RND3: variants seen among roughly 807,000 people sequenced by gnomAD.
The protein encoded by RND3 is Rho family GTPase 3.
RND3 carries 8 observed loss-of-function variants against 26.5 expected under a neutral mutation model. That is an observed-to-expected ratio of 0.30 (90% confidence interval 0.18 to 0.54). The LOEUF (loss-of-function observed/expected upper bound fraction) is 0.54. Among genes scored for constraint, RND3 ranks in the 20% least tolerant of loss-of-function variants. RND3 has a pLI of 0.94. For synonymous variants in RND3, 113 were observed against 113.0 expected (o/e 1.00, Z 0.00); for missense variants, 207 against 302.8 (o/e 0.68, Z 2.35).
At chr2:150,483,421 G>C (rs528881979) in intron 3 of RND3, among the ~76,000 whole-genome samples, 1 of 152,276 alleles carries the variant, frequency 6.6e-6, no homozygotes, top group Non-Finnish European at 1.5e-5. Flanking sequence ...CTTTCACAAA[G>C]TTCTAGGAGG....
Position 150,468,625 on chromosome 2 carries a change from G to A in RND3, c.*1362C>T, listed in dbSNP as rs565781296. ...AGCACTATCATGGGAAAGAAAGCTC[G>A]TTTTCAACAAGCGCCAACAATAAAC... On this transcript the variant is annotated 3_prime_UTR_variant, in exon 6 of 6. Transcript: ENST00000263895. The A allele has an allele frequency of 1.3e-5, 2 of 152,608 alleles. No individual in the cohort carries two copies. The highest frequency in any genetic ancestry group is 1.9e-4 in the East Asian group (1 of 5,206). The allele number at this position is 152,608 out of a possible 1,614,324, so 9.5% of individuals were successfully genotyped here.
chr2:150,478,578 G>GAAAAAAAAGA (rs752844515), intron 3 of RND3, among the ~76,000 whole-genome samples: 1 of 74,172 alleles, frequency 1.3e-5, no homozygotes, highest in Non-Finnish European at 2.5e-5. Flanking sequence ...AAGCCAAACG[G>GAAAAAAAAGA]CAAAAAAAAA....
chr2:150,481,429 T>C (rs1686267994), intron 3 of RND3, among the ~76,000 whole-genome samples: 1 of 152,228 alleles, frequency 6.6e-6, no homozygotes. Context: ...TCTACTGGCA[T>C]CTCCTCTCAC....
Position 150,486,632 on chromosome 2 carries a change from G to A in RND3, c.238+62C>T. 2 of 1,202,178 alleles carry A rather than the reference G, an allele frequency of 1.7e-6. No individual in the cohort carries two copies. Among genetic ancestry groups the A allele is most frequent in the Non-Finnish European group, 2.5e-6 (2 of 804,638 alleles). 74.5% of individuals were successfully genotyped at this position (1,202,178 alleles called of 1,614,324 possible). On this transcript the variant is annotated intron_variant, in intron 3 of 5. Coordinates refer to ENST00000263895, the MANE Select transcript of RND3 (RefSeq NM_005168.5). This position sits in a 1 kb window ranked among gnomAD's most constrained non-coding sequence, Gnocchi z 4.5. ...TGTAGCGCGCGGTTTCCCGAGACCCGCCGCGCATCCCCCAGCGACTGGAAA... is the reference window on the plus strand; with the variant it reads ...TGTAGCGCGCGGTTTCCCGAGACCCACCGCGCATCCCCCAGCGACTGGAAA...
At position 150,471,679 on chromosome 2, in the gene RND3, C is replaced by G; in HGVS notation, c.431G>C (p.Ser144Thr). The G allele has an allele frequency of 6.2e-7, 1 of 1,613,250 alleles. No homozygotes were observed. The highest frequency in any genetic ancestry group is 1.1e-5 in the South Asian group (1 of 91,036). Residue 144 changes from serine to threonine, a missense_variant, in exon 5 of 6, where the codon AGT becomes ACT. By Grantham distance (58) the Ser-to-Thr change is moderately conservative. Coordinates refer to ENST00000263895, the MANE Select transcript of RND3 (RefSeq NM_005168.5). Reference protein sequence around the residue: ...GCKSDLRTDVSTLVELSNHRQ... With the variant: ...GCKSDLRTDVTTLVELSNHRQ... ...GTGATTGGAGAGCTCTACTAATGTACTAACATCTGTCCGCAGATCAGACTT... is the reference window on the plus strand; with the variant it reads ...GTGATTGGAGAGCTCTACTAATGTAGTAACATCTGTCCGCAGATCAGACTT...
rs1260336893 is a variant in RND3, at chr2:150,474,770, G to T, written c.348+105C>A. On this transcript the variant is annotated intron_variant, in intron 4 of 5. Coordinates refer to ENST00000263895, the MANE Select transcript of RND3 (RefSeq NM_005168.5). ...TCTTTCTAGTGTTTAATTACAAATT[G>T]TAAGGCAGGGAATTGATTAGAGTCT... The T allele has an allele frequency of 1.4e-5, 8 of 580,518 alleles. No individual in the cohort carries two copies. In the South Asian group the frequency reaches 1.6e-4, roughly 11 times the overall value. 36.0% of individuals were successfully genotyped at this position (580,518 alleles called of 1,614,324 possible).
chr2:150,477,602 AC>A (rs1221152497), intron 3 of RND3, among the ~76,000 whole-genome samples: 8 of 152,152 alleles, frequency 5.3e-5, no homozygotes, highest in Non-Finnish European at 1.0e-4. Flanking sequence ...GGAGACTGCT[AC>A]CTACTAAAAT....
At chr2:150,470,348 T>C (rs13000209) in intron 5 of RND3, 110 bp from the exon 6 acceptor site, 736,447 of 1,148,478 alleles carry the variant, frequency 0.64, 240,382 homozygotes, top group South Asian at 0.75. Context: ...TTTGCTGATA[T>C]GTTAACTGAA....
chr2:150,471,858 C>T, intron 4 of RND3, 97 bp from the exon 5 acceptor site: 1 of 1,028,276 alleles, frequency 9.7e-7, no homozygotes, highest in African/African-American at 1.6e-5. Flanking sequence ...GAATGAAACT[C>T]AGAAAAGATG....
rs1686042670 is a variant in RND3, at chr2:150,469,368, G to C, written c.*619C>G. On this transcript the variant is annotated 3_prime_UTR_variant, in exon 6 of 6. Coordinates refer to ENST00000263895, the MANE Select transcript of RND3 (RefSeq NM_005168.5). ...CTACAAATCTTGCAAGATTGCAAAGGCTTTCCTTAGAACCATCCTACTCAG... is the reference window on the plus strand; with the variant it reads ...CTACAAATCTTGCAAGATTGCAAAGCCTTTCCTTAGAACCATCCTACTCAG... 6.6e-6 allele frequency: 1 copy of C among 152,468 alleles called. No individual in the cohort carries two copies. The highest frequency in any genetic ancestry group is 1.5e-5 in the Non-Finnish European group (1 of 68,044). The allele number at this position is 152,468 out of a possible 1,614,324, so 9.4% of individuals were successfully genotyped here.
intron 3 of RND3, among the ~76,000 whole-genome samples, chr2:150,477,176 A>C (rs867188965): frequency 6.6e-6 from 1 of 152,126 alleles, no homozygotes; most frequent in African/African-American, 2.4e-5. Flanking sequence ...CCTTTCCCAG[A>C]AATCACTCAC....
chr2:150,476,158 CTT>C (rs1020548228), intron 3 of RND3, among the ~76,000 whole-genome samples: 2 of 152,162 alleles, frequency 1.3e-5, no homozygotes, highest in South Asian at 2.1e-4. Context: ...CCACCAAACT[CTT>C]TTTAAAAGTC....
In RND3 at chr2:150,487,277, G is replaced by C. The variant is rs760054624; in HGVS notation, c.141C>G (p.Cys47Trp). Residue 47 changes from cysteine to tryptophan, a missense_variant, in exon 2 of 6, where the codon TGC (cysteine) becomes TGG (tryptophan). By Grantham distance (215) the Cys-to-Trp change is radical. Transcript: ENST00000263895. The stretch of plus-strand genomic sequence containing the variant: ...GGCCGGCCACACTCACCTCGGGGAA[G>C]CAGTCCTTGGCGAAGACATGGAGCA... Reference protein sequence around the residue: ...TALLHVFAKDCFPENYVPTVF... With the variant: ...TALLHVFAKDWFPENYVPTVF... 6.3e-7 allele frequency: 1 copy of C among 1,593,364 alleles called. No homozygotes were observed. The highest frequency in any genetic ancestry group is 1.4e-5 in the African/African-American group (1 of 73,768).
chr2:150,483,098 G>T (rs1251168886), intron 3 of RND3, among the ~76,000 whole-genome samples: 1 of 152,158 alleles, frequency 6.6e-6, no homozygotes, highest in Non-Finnish European at 1.5e-5. Context: ...TAAAAAGCAG[G>T]AAATTATTTT....
chr2:150,473,122 T>G (rs1686113418), intron 4 of RND3, among the ~76,000 whole-genome samples: 1 of 149,488 alleles, frequency 6.7e-6, no homozygotes, highest in South Asian at 2.2e-4. Flanking sequence ...GGCACTGGCA[T>G]TAGAAGTGGA....
chr2:150,476,921 C>T (rs538788564), intron 3 of RND3, among the ~76,000 whole-genome samples: 2 of 152,308 alleles, frequency 1.3e-5, no homozygotes, highest in South Asian at 2.1e-4. Flanking sequence ...CAACTAGAAC[C>T]TTTCCTGTTT....
At position 150,483,813 on chromosome 2, in the gene RND3, C is replaced by T. The variant is rs573922566; in HGVS notation, c.238+2881G>A. ...TTGGTGACTGTGTTTAACTAACTAA[C>T]ATTTCACCTCATGAACAACATAATG... On this transcript the variant is annotated intron_variant, in intron 3 of 5. Coordinates refer to ENST00000263895, the MANE Select transcript of RND3 (RefSeq NM_005168.5). 1.4e-3 allele frequency among the ~76,000 whole-genome samples: 214 copies of T among 152,288 alleles called. 2 individuals carry two copies. Among genetic ancestry groups the T allele is most frequent in the African/African-American group, 4.9e-3 (205 of 41,544 alleles).
chr2:150,487,195 C>A, intron 2 of RND3, 73 bp downstream of exon 2: 3 of 1,026,696 alleles, frequency 2.9e-6, no homozygotes, highest in Non-Finnish European at 3.9e-6. Flanking sequence ...CGGATGAAAG[C>A]GGGGAGGCCC....
chr2:150,487,483 A>C lies in RND3; in HGVS notation c.-38-28T>G. ...TAAGAAGAAAAAAAAAAATATATAT[A>C]TATATATATATTTCTCTCTTTATAA... On this transcript the variant is annotated intron_variant, in intron 1 of 5. Transcript: ENST00000263895. The C allele has an allele frequency of 2.0e-5, 7 of 354,436 alleles. 2 individuals carry two copies. Among genetic ancestry groups the C allele is most frequent in the Non-Finnish European group, 3.0e-5 (7 of 233,614 alleles). The allele number at this position is 354,436 out of a possible 1,614,324, so 22.0% of individuals were successfully genotyped here. A position where few individuals can be genotyped will look rare whatever the true frequency, so the allele number is the denominator to read the frequency against.
Sources: gnomAD v4.1 joint callset for allele counts (sites outside exome capture counted in the v4.1 genomes callset) on GRCh38, gnomAD v4.1.1 for gene constraint, Gnocchi (gnomAD v3.1) non-coding constraint, MANE v1.5 for transcripts, NCBI Gene and HGNC (gene_info 2026-07-23, HGNC 2026-07-21) for gene names.